Variants in CACNA1E observed in about 807,000 individuals in gnomAD.
CACNA1E encodes the protein calcium voltage-gated channel subunit alpha1 E, also known as voltage-dependent R-type calcium channel subunit alpha-1E.
CACNA1E carries 40 observed loss-of-function variants against 259.2 expected under a neutral mutation model. The observed-to-expected ratio is 0.15, with a 90% CI of 0.12 to 0.20. CACNA1E has a LOEUF of 0.20. Ranked by LOEUF, CACNA1E falls within the 10% of genes least tolerant of loss-of-function variation. CACNA1E has a pLI of 1.00. For synonymous variants in CACNA1E, 1,104 were observed against 1,138.5 expected, an observed-to-expected ratio of 0.97 and a Z score of 0.61; for missense variants, 1,874 against 3,040.1, an observed-to-expected ratio of 0.62 and a Z score of 9.02.
rs1187537615 is a variant in CACNA1E at position 181,483,986 on chromosome 1, A to G, written c.242A>G (p.Tyr81Cys). 2 of 1,613,702 alleles carry G rather than the reference A, an allele frequency of 1.2e-6. No individual in the cohort carries two copies. ...IFGEDNIVRK[Y>C]AKKLIDWPPF... The stretch of plus-strand genomic sequence containing the variant: ...GGAGAAGATAACATTGTCAGGAAAT[A>G]TGCCAAGAAGCTCATCGATTGGCCA... The change falls in exon 1 of 48, where the codon TAT becomes TGT. Residue 81 changes from tyrosine to cysteine, a missense_variant. By Grantham distance (194) the Tyr-to-Cys change is radical (BLOSUM62 -2). Coordinates refer to ENST00000367573, the MANE Select transcript of CACNA1E (RefSeq NM_001205293.3).
chr1:181,602,880 T>A (rs930619307), intron 6 of CACNA1E, among the ~76,000 whole-genome samples: 1 of 152,180 alleles, frequency 6.6e-6, no homozygotes, highest in Non-Finnish European at 1.5e-5. Flanking sequence ...AACCATTCAT[T>A]GAGTCCACAA....
intron 6 of CACNA1E, among the ~76,000 whole-genome samples, chr1:181,605,169 G>A (rs1259387526): frequency 2.0e-5 from 3 of 152,124 alleles, no homozygotes; most frequent in Non-Finnish European, 2.9e-5. Context: ...AGGCAATTTC[G>A]GAGGAAACAG....
intron 2 of CACNA1E, among the ~76,000 whole-genome samples, chr1:181,423,196 G>A (rs542936948): frequency 5.9e-5 from 9 of 152,260 alleles, no homozygotes; most frequent in Admixed American, 2.0e-4. Context: ...GAGGTTTGCC[G>A]AAGCCCAAGG....
At chr1:181,492,004 G>T (rs1268492499) in intron 1 of CACNA1E, among the ~76,000 whole-genome samples, 1 of 152,182 alleles carries the variant, frequency 6.6e-6, no homozygotes, top group African/African-American at 2.4e-5. Context: ...TGGCTGGGAG[G>T]GGAGTGAAGG....
intron 2 of CACNA1E, among the ~76,000 whole-genome samples, chr1:181,466,043 G>C (rs978053837): frequency 8.5e-5 from 13 of 152,164 alleles, no homozygotes; most frequent in African/African-American, 3.1e-4. Flanking sequence ...CCTGAGTTTT[G>C]ATTTCTCAGG....
intron 1 of CACNA1E, among the ~76,000 whole-genome samples, chr1:181,330,314 A>C (rs1571579038): frequency 2.0e-5 from 3 of 146,726 alleles, no homozygotes; most frequent in Non-Finnish European, 3.0e-5. Context: ...TGCCATGGCC[A>C]CCTCCCCCCA....
At chr1:181,337,454 A>T (rs1379511008) in intron 1 of CACNA1E, among the ~76,000 whole-genome samples, 1 of 152,004 alleles carries the variant, frequency 6.6e-6, no homozygotes, top group East Asian at 1.9e-4. Context: ...TACATTTAAG[A>T]TCTGTAGATG....
intron 3 of CACNA1E, among the ~76,000 whole-genome samples, chr1:181,558,360 C>T (rs1400159170): frequency 6.6e-6 from 1 of 152,194 alleles, no homozygotes; most frequent in Non-Finnish European, 1.5e-5. Context: ...CTACTACATG[C>T]CAAGCACCTT....
chr1:181,772,660 G>T (rs998386613), intron 37 of CACNA1E, among the ~76,000 whole-genome samples: 2 of 152,126 alleles, frequency 1.3e-5, no homozygotes, highest in Non-Finnish European at 2.9e-5. Context: ...TTTTTGAACT[G>T]CTTGAGAAAA....
chr1:181,702,129 C>T (rs987244897), intron 7 of CACNA1E, among the ~76,000 whole-genome samples: 1 of 152,130 alleles, frequency 6.6e-6, no homozygotes, highest in African/African-American at 2.4e-5. Flanking sequence ...CTTATATACA[C>T]AGCTGAATTC....
chr1:181,369,821 C>G (rs1180607540), intron 1 of CACNA1E, among the ~76,000 whole-genome samples: 1 of 152,136 alleles, frequency 6.6e-6, no homozygotes, highest in Non-Finnish European at 1.5e-5. Flanking sequence ...TTATTTTAGG[C>G]TCAAGGGTAC....
chr1:181,587,888 A>G (rs1360162588), intron 6 of CACNA1E, among the ~76,000 whole-genome samples: 1 of 152,220 alleles, frequency 6.6e-6, no homozygotes, highest in Non-Finnish European at 1.5e-5. Context: ...GTCTCAAGAA[A>G]AAAAGAAAGA....
At chr1:181,633,594 C>T (rs922732220) in intron 6 of CACNA1E, among the ~76,000 whole-genome samples, 2 of 152,076 alleles carry the variant, frequency 1.3e-5, no homozygotes, top group African/African-American at 4.8e-5. Context: ...CAGGTTGAAG[C>T]GATTCTCATG....
At chr1:181,588,497 A>G (rs1158566846) in intron 6 of CACNA1E, among the ~76,000 whole-genome samples, 5 of 152,140 alleles carry the variant, frequency 3.3e-5, no homozygotes, top group East Asian at 1.9e-4. Flanking sequence ...TTTCCCATCC[A>G]TAGCAGTCTC....
chr1:181,347,870 T>C (rs1471362713), intron 1 of CACNA1E, among the ~76,000 whole-genome samples: 12 of 152,236 alleles, frequency 7.9e-5, no homozygotes, highest in Non-Finnish European at 1.5e-4. Flanking sequence ...ATTTCCCCTT[T>C]TTATCAAGAA....
At chr1:181,416,231 T>G (rs2102165023) in intron 2 of CACNA1E, among the ~76,000 whole-genome samples, 1 of 152,362 alleles carries the variant, frequency 6.6e-6, no homozygotes, top group African/African-American at 2.4e-5. Flanking sequence ...AGGCTTGTTC[T>G]GCAGACGCCA....
In CACNA1E at chr1:181,440,809, C is replaced by A. The variant is rs1055698877; in HGVS notation, c.434+27229C>A. Among the ~76,000 whole-genome samples, 4 of 151,386 alleles carry A rather than the reference C, an allele frequency of 2.6e-5. 1 individual carries two copies. Among genetic ancestry groups the A allele is most frequent in the Non-Finnish European group, 5.9e-5 (4 of 67,852 alleles). ...CCAGCCTGGGCAACCTTGTGAGAGC[C>A]CTGTCTCCACAAAAAATTTAAAAAA... is the stretch of plus-strand genomic sequence containing the variant. On this transcript the variant is annotated intron_variant, in intron 2 of 11. Coordinates refer to the CACNA1E transcript ENST00000524607.
chr1:181,346,478 G>A (rs1224882423), intron 1 of CACNA1E, among the ~76,000 whole-genome samples: 12 of 152,280 alleles, frequency 7.9e-5, no homozygotes, highest in Admixed American at 1.3e-4. Flanking sequence ...ATCAGTGGAC[G>A]CAGCCTGAAT....
At chr1:181,647,524 T>C (rs1658386344) in intron 6 of CACNA1E, among the ~76,000 whole-genome samples, 1 of 152,128 alleles carries the variant, frequency 6.6e-6, no homozygotes, top group South Asian at 2.1e-4. Flanking sequence ...GAGAAAACAG[T>C]CACAACTCTG....
Sources: allele counts gnomAD v4.1 joint callset (sites outside exome capture counted in the v4.1 genomes callset), GRCh38; gene constraint gnomAD v4.1.1; transcripts MANE v1.5; gene names NCBI Gene and HGNC (gene_info 2026-07-23, HGNC 2026-07-21).